The following B3GALT1 variants were observed in gnomAD, a reference collection of about 807,000 sequenced individuals.
B3GALT1 encodes the protein beta-1,3-galactosyltransferase 1, also known as UDP-Gal:betaGlcNAc beta 1,3-galactosyltransferase, polypeptide 1.
In B3GALT1, 10 loss-of-function variants were observed where a neutral mutation model predicts 23.2. That is an observed-to-expected ratio of 0.43 (90% CI 0.27 to 0.73). The LOEUF is 0.73. Among genes scored for constraint, B3GALT1 ranks in the 30% least tolerant of loss-of-function variants. The pLI, the probability that B3GALT1 is intolerant of heterozygous loss-of-function variation, is 0.21. For synonymous variants in B3GALT1, 156 were observed against 141.5 expected (o/e 1.10, Z -0.73); for missense variants, 299 against 405.4 (o/e 0.74, Z 2.25).
chr2:167,768,367 T>A (rs1326717935), intron 3 of B3GALT1, among the ~76,000 whole-genome samples: 2 of 152,260 alleles, frequency 1.3e-5, no homozygotes, highest in Non-Finnish European at 2.9e-5. Flanking sequence ...TGCATCTGGC[T>A]GGAATTCTTT....
chr2:167,459,666 A>T (rs935678735), intron 1 of B3GALT1, among the ~76,000 whole-genome samples: 3 of 152,134 alleles, frequency 2.0e-5, no homozygotes, highest in African/African-American at 4.8e-5. Flanking sequence ...TAGCTTTTAC[A>T]ATGGTTCATG....
intron 1 of B3GALT1, among the ~76,000 whole-genome samples, chr2:167,350,080 T>C (rs539963836): frequency 6.6e-6 from 1 of 152,338 alleles, no homozygotes; most frequent in African/African-American, 2.4e-5. Context: ...AGCATTTTCA[T>C]GGAGATAACA....
chr2:167,516,950 G>GTATATA (rs779431606), intron 2 of B3GALT1, among the ~76,000 whole-genome samples: 6 of 93,344 alleles, frequency 6.4e-5, no homozygotes, highest in African/African-American at 3.1e-4. Context: ...TTCTGTGTGT[G>GTATATA]TATATATATA....
intron 3 of B3GALT1, among the ~76,000 whole-genome samples, chr2:167,797,699 G>A (rs895435556): frequency 2.0e-5 from 3 of 150,866 alleles, no homozygotes; most frequent in African/African-American, 4.9e-5. Context: ...TCTCATTGTG[G>A]ATTTTGTTTT....
At chr2:167,626,415 A>T (rs1000480598) in intron 2 of B3GALT1, among the ~76,000 whole-genome samples, 2 of 151,718 alleles carry the variant, frequency 1.3e-5, no homozygotes, top group Admixed American at 6.6e-5. Flanking sequence ...ATAGGACAAC[A>T]AACCTACCAA....
At position 167,867,072 on chromosome 2, in the gene B3GALT1, A is replaced by G. The variant is rs191019180; in HGVS notation, c.-229-1739A>G. On this transcript the variant is annotated intron_variant, in intron 4 of 4. Coordinates refer to ENST00000392690, the MANE Select transcript of B3GALT1 (RefSeq NM_020981.4). ...CTCCCGAGTAGCTGGGACTACAGGCACCCGCCACTACGCCTGGCTAATTTT... is the reference window on the plus strand; with the variant it reads ...CTCCCGAGTAGCTGGGACTACAGGCGCCCGCCACTACGCCTGGCTAATTTT... Among the ~76,000 whole-genome samples the G allele has an allele frequency of 2.3e-3, 341 of 149,498 alleles. 3 individuals carry two copies. Among genetic ancestry groups the G allele is most frequent in the East Asian group, 0.022 (110 of 5,044 alleles).
At chr2:167,564,482 A>G (rs933282383) in intron 2 of B3GALT1, among the ~76,000 whole-genome samples, 16 of 152,272 alleles carry the variant, frequency 1.1e-4, no homozygotes, top group African/African-American at 2.4e-4. Flanking sequence ...AGAGGCTGCA[A>G]TCTCGGCACC....
At chr2:167,504,831 A>T (rs1255851326) in intron 2 of B3GALT1, among the ~76,000 whole-genome samples, 1 of 152,236 alleles carries the variant, frequency 6.6e-6, no homozygotes, top group African/African-American at 2.4e-5. Context: ...ACAACAGACC[A>T]TATCATAAAG....
intron 3 of B3GALT1, among the ~76,000 whole-genome samples, chr2:167,653,311 C>T (rs1408959591): frequency 6.6e-6 from 1 of 152,088 alleles, no homozygotes; most frequent in East Asian, 1.9e-4. Context: ...AACCACAGTG[C>T]TTTATTTCCT....
In B3GALT1 at chr2:167,350,410, CT is replaced by C. The variant is rs201241201; in HGVS notation, c.-511+57080del. Among the ~76,000 whole-genome samples the C allele has an allele frequency of 4.7e-3, 711 of 152,232 alleles. 1 individual carries two copies. The highest frequency in any genetic ancestry group is 6.9e-3 in the Non-Finnish European group (472 of 67,996). On this transcript the variant is annotated intron_variant, in intron 1 of 4. Coordinates refer to ENST00000392690, the MANE Select transcript of B3GALT1 (RefSeq NM_020981.4). ...ATTGATTATAATGCTTGTTTGTAGT[CT>C]TTTAAGAAAAATGGTTTATATATCT...
Position 167,767,569 on chromosome 2 carries a change from G to C in B3GALT1, c.-351-51103G>C, listed in dbSNP as rs143130729. On this transcript the variant is annotated intron_variant, in intron 3 of 4. Coordinates refer to ENST00000392690, the MANE Select transcript of B3GALT1 (RefSeq NM_020981.4). The stretch of plus-strand genomic sequence containing the variant: ...AACAAGTTAGTACAAGTTTGTATTT[G>C]TGCAAAAAAATATGAAATTCCTGTA... Among the ~76,000 whole-genome samples, 29 of 152,136 alleles carry C rather than the reference G, an allele frequency of 1.9e-4. No individual in the cohort carries two copies. The East Asian group carries it at 5.6e-3, about 29-fold the overall frequency.
At chr2:167,622,038 A>G (rs16853982) in intron 2 of B3GALT1, among the ~76,000 whole-genome samples, 5,730 of 152,224 alleles carry the variant, frequency 0.038, 379 homozygotes, top group African/African-American at 0.13. Flanking sequence ...CAGCAGAGAC[A>G]TACATAAACA....
intron 4 of B3GALT1, among the ~76,000 whole-genome samples, chr2:167,826,794 G>A (rs1284503803): frequency 2.0e-5 from 3 of 152,174 alleles, no homozygotes; most frequent in South Asian, 2.1e-4. Flanking sequence ...AAAAAATACA[G>A]CATAACAACT....
chr2:167,586,334 C>T (rs1364008959), intron 2 of B3GALT1, among the ~76,000 whole-genome samples: 1 of 152,044 alleles, frequency 6.6e-6, no homozygotes, highest in Non-Finnish European at 1.5e-5. Context: ...GAGTCTTGCT[C>T]AGTCGCCCAG....
At chr2:167,731,030 C>G (rs1337456045) in intron 3 of B3GALT1, among the ~76,000 whole-genome samples, 1 of 152,098 alleles carries the variant, frequency 6.6e-6, no homozygotes, top group Non-Finnish European at 1.5e-5. Context: ...GCCCCTCAAG[C>G]TAGTAAGTGG....
chr2:167,569,779 G>A (rs1249541842), intron 2 of B3GALT1, among the ~76,000 whole-genome samples: 1 of 151,876 alleles, frequency 6.6e-6, no homozygotes, highest in Non-Finnish European at 1.5e-5. Context: ...ACCACTAAGT[G>A]TAATGGTAGC....
At chr2:167,568,172 A>G (rs922361211) in intron 2 of B3GALT1, among the ~76,000 whole-genome samples, 4 of 152,128 alleles carry the variant, frequency 2.6e-5, no homozygotes, top group Non-Finnish European at 5.9e-5. Flanking sequence ...GGCAATTATG[A>G]GTAAAACTGC....
intron 3 of B3GALT1, among the ~76,000 whole-genome samples, chr2:167,717,605 A>T (rs1482414511): frequency 6.6e-6 from 1 of 152,162 alleles, no homozygotes; most frequent in Non-Finnish European, 1.5e-5. Context: ...TAATTTAATT[A>T]GTTTATTCAC....
chr2:167,785,550 A>G (rs2105323838), intron 3 of B3GALT1, among the ~76,000 whole-genome samples: 1 of 152,322 alleles, frequency 6.6e-6, no homozygotes, highest in South Asian at 2.1e-4. Flanking sequence ...CTGAGATTCA[A>G]ATGAACAGTA....
Sources: allele counts gnomAD v4.1 joint callset (sites outside exome capture counted in the v4.1 genomes callset), GRCh38; gene constraint gnomAD v4.1.1; transcripts MANE v1.5; gene names NCBI Gene and HGNC (gene_info 2026-07-23, HGNC 2026-07-21).